Variants in ATM observed in about 807,000 individuals in gnomAD.
The protein encoded by ATM is ATM serine/threonine kinase.
A neutral mutation model predicts 387.0 loss-of-function variants in ATM; 308 were observed. The observed-to-expected ratio is 0.80, with a 90% CI of 0.73 to 0.87. The LOEUF is 0.87. Among genes scored for constraint, ATM ranks in the 40% least tolerant of loss-of-function variants. ATM has a pLI of 0.00. For missense variants in ATM, 3,312 were observed against 3,560.9 expected (o/e 0.93, Z 1.78); for synonymous variants, 1,156 against 1,187.3 (o/e 0.97, Z 0.54).
chr11:108,254,093 CTG>C (rs1319907439), intron 13 of ATM, 54 bp downstream of exon 13: 4 of 1,555,888 alleles, frequency 2.6e-6, no homozygotes, highest in African/African-American at 1.4e-5. Context: ...CTTTGGTAAA[CTG>C]TTAGGAAGGA....
rs1183350500 is a variant in ATM, at chr11:108,331,956, T to C, written c.7707T>C (p.Asp2569=). ...TGGCCTTAGCAAATGCAAACAGAGATGAATTTCTGACTAAACCAGAGGTAG... is the reference window on the plus strand; with the variant it reads ...TGGCCTTAGCAAATGCAAACAGAGACGAATTTCTGACTAAACCAGAGGTAG... ...IILALANANR[D]EFLTKPEVAR... The change falls in exon 52 of 63, where the codon GAT becomes GAC. Residue 2569 remains aspartate (D), a synonymous_variant. Coordinates refer to ENST00000675843, the MANE Select transcript of ATM (RefSeq NM_000051.4). 6.2e-7 allele frequency: 1 copy of C among 1,613,912 alleles called. No homozygotes were observed. Among genetic ancestry groups the C allele is most frequent in the African/African-American group, 1.3e-5 (1 of 74,924 alleles).
intron 44 of ATM, among the ~76,000 whole-genome samples, chr11:108,320,304 C>T (rs1470293709): frequency 6.6e-6 from 1 of 152,154 alleles, no homozygotes; most frequent in Non-Finnish European, 1.5e-5. Flanking sequence ...TTGTTCTCTT[C>T]CTATACAAGT....
Position 108,250,854 on chromosome 11 carries a change from ATTGTG to A in ATM, c.1391_1395del (p.Leu464SerfsTer21), listed in dbSNP as rs2080103035. ...TGTTACGATGCCTTACGGAAGTTGCATTGTGTCAAGACAAGAGGTCAAACCTAGAA... is the reference window on the plus strand; with the variant it reads ...TGTTACGATGCCTTACGGAAGTTGCATCAAGACAAGAGGTCAAACCTAGAA... On this transcript the variant is annotated frameshift_variant, in exon 10 of 63. Coordinates refer to ENST00000675843, the MANE Select transcript of ATM (RefSeq NM_000051.4). LOFTEE classifies it high-confidence loss of function. 1 of 1,614,080 alleles carries A rather than the reference ATTGTG, an allele frequency of 6.2e-7. No homozygotes were observed. The highest frequency in any genetic ancestry group is 8.5e-7 in the Non-Finnish European group (1 of 1,180,040).
chr11:108,287,849 C>A, intron 27 of ATM, 134 bp downstream of exon 27: 1 of 656,554 alleles, frequency 1.5e-6, no homozygotes, highest in African/African-American at 1.8e-5. Flanking sequence ...TAAAAATAGC[C>A]ACCTTTGAAT....
In ATM at chr11:108,251,001, T is replaced by A. The variant is rs1060504296; in HGVS notation, c.1536T>A (p.Ile512=). 6.2e-7 allele frequency: 1 copy of A among 1,614,058 alleles called. No individual in the cohort carries two copies. The highest frequency in any genetic ancestry group is 1.3e-5 in the African/African-American group (1 of 74,914). The stretch of plus-strand genomic sequence containing the variant: ...ACTTTGGCTTACTTGGAGCCATAAT[T>A]CAGGGTAGTTTAGTTGAGGTTGACA... ...AENFGLLGAI[I]QGSLVEVDRE... is the part of the protein sequence containing the mutation. The change falls in exon 10 of 63, where the codon ATT becomes ATA. Residue 512 remains isoleucine, a synonymous_variant. Transcript: ENST00000675843.
rs587779824 is a variant in ATM, at chr11:108,267,268, T to C, written c.2564T>C (p.Met855Thr). The C allele has an allele frequency of 1.9e-6, 3 of 1,614,146 alleles. No homozygotes were observed. The highest frequency in any genetic ancestry group is 2.5e-6 in the Non-Finnish European group (3 of 1,179,986). The change falls in exon 17 of 63, where the codon ATG becomes ACG. Residue 855 changes from methionine to threonine, a missense_variant. Coordinates refer to ENST00000675843, the MANE Select transcript of ATM (RefSeq NM_000051.4). Reference sequence around the variant, plus strand: ...ATGGAGGTGGAGGATCAGTCATCCATGAATCTATTTAACGATTACCCTGAT... The same window carrying C: ...ATGGAGGTGGAGGATCAGTCATCCACGAATCTATTTAACGATTACCCTGAT... Reference protein sequence around the residue: ...NLMEVEDQSSMNLFNDYPDSS... With the variant: ...NLMEVEDQSSTNLFNDYPDSS...
intron 61 of ATM, among the ~76,000 whole-genome samples, chr11:108,359,735 T>TC (rs1400042595): frequency 6.6e-6 from 1 of 152,034 alleles, no homozygotes; most frequent in Non-Finnish European, 1.5e-5. Context: ...ATAAAGATGT[T>TC]CTTTGAAACC....
In ATM at chr11:108,252,004, G is replaced by A. The variant is rs776911505; in HGVS notation, c.1775G>A (p.Ser592Asn). 6 of 1,612,924 alleles carry A rather than the reference G, an allele frequency of 3.7e-6. No homozygotes were observed. In the Admixed American group the frequency reaches 1.0e-4, roughly 27 times the overall value. Residue 592 changes from serine to asparagine, a missense_variant, in exon 11 of 63, where the codon AGC (serine) becomes AAC (asparagine). Transcript: ENST00000675843. ...FYQLEGDLEN[S>N]TEVPPILHSN... ...CAGTTAGAGGGTGACTTAGAAAATA[G>A]CACAGAAGTGCCTCCAATTCTTCAC...
intron 61 of ATM, among the ~76,000 whole-genome samples, chr11:108,364,459 C>T (rs2091124679): frequency 6.6e-6 from 1 of 152,156 alleles, no homozygotes; most frequent in African/African-American, 2.4e-5. Flanking sequence ...TTTTGGTATC[C>T]TAATTCTACA....
intron 16 of ATM, among the ~76,000 whole-genome samples, chr11:108,265,676 T>C (rs1223844051): frequency 6.8e-6 from 1 of 147,054 alleles, no homozygotes. Flanking sequence ...CAAAAGAAAC[T>C]ACCATCAGAG....
intron 16 of ATM, among the ~76,000 whole-genome samples, chr11:108,261,287 G>C (rs1227226638): frequency 2.0e-5 from 3 of 152,198 alleles, no homozygotes; most frequent in Admixed American, 6.5e-5. Context: ...CTGGAGATCT[G>C]AGAACGGGCA....
intron 58 of ATM, chr11:108,346,430 A>G (rs1467107394): frequency 6.5e-6 from 1 of 152,742 alleles, no homozygotes; most frequent in East Asian, 1.9e-4. Flanking sequence ...ATAGGTAGAT[A>G]GTATGGTTAA....
rs766558357 is a variant in ATM at position 108,279,480 on chromosome 11, CTTGTT to C, written c.3285-8_3285-4del. 6.4e-7 allele frequency: 1 copy of C among 1,574,146 alleles called. No individual in the cohort carries two copies. The highest frequency in any genetic ancestry group is 8.7e-7 in the Non-Finnish European group (1 of 1,148,504). ...CACTTTTTGTTTGTTTGTTTGCTTG[CTTGTT>C]TTAAGATTGTTCCAGGACACGAAGG... On this transcript the variant is annotated splice_polypyrimidine_tract_variant and splice_region_variant and intron_variant, in intron 22 of 62. Transcript: ENST00000675843.
rs1466076588 is a variant in ATM, at chr11:108,263,752, AAAG to A, written c.2467-3417_2467-3415del. ...CCGCTAGCAAGACTAATAAAGAAAAAAAGAGAGAAGAATCAAATAGACGCAATA... is the reference window on the plus strand; with the variant it reads ...CCGCTAGCAAGACTAATAAAGAAAAAAGAGAAGAATCAAATAGACGCAATA... On this transcript the variant is annotated intron_variant, in intron 16 of 62. Coordinates refer to ENST00000675843, the MANE Select transcript of ATM (RefSeq NM_000051.4). Among the ~76,000 whole-genome samples, 41 of 146,998 alleles carry A rather than the reference AAAG, an allele frequency of 2.8e-4. No individual in the cohort carries two copies. In the East Asian group the frequency reaches 7.9e-3, roughly 28 times the overall value.
At chr11:108,248,550 A>AT (rs530034539) in intron 8 of ATM, among the ~76,000 whole-genome samples, 4 of 151,964 alleles carry the variant, frequency 2.6e-5, no homozygotes, top group African/African-American at 9.7e-5. Context: ...TTCAGAAAGA[A>AT]TTTTTTTTCC....
In ATM at chr11:108,325,321, A is replaced by G. The variant is rs1565518051; in HGVS notation, c.6584A>G (p.His2195Arg). 1 of 1,601,708 alleles carries G rather than the reference A, an allele frequency of 6.2e-7. No homozygotes were observed. The highest frequency in any genetic ancestry group is 8.5e-7 in the Non-Finnish European group (1 of 1,172,862). The change falls in exon 46 of 63, where the codon CAT becomes CGT. Residue 2195 changes from histidine to arginine, a missense_variant. By Grantham distance (29) the His-to-Arg change is conservative (BLOSUM62 0). This residue lies in a region of ATM where 1,405 missense variants were observed against 1,604.4 expected (regional missense o/e 0.88). Coordinates refer to ENST00000675843, the MANE Select transcript of ATM (RefSeq NM_000051.4). ...GTCGTGGCATTCAGATCAGTCACAC[A>G]TAGACAACTCTCTGAAGTATATATT... Reference protein sequence around the residue: ...IGELFSRSVTHRQLSEVYIKW... With the variant: ...IGELFSRSVTRRQLSEVYIKW...
At chr11:108,317,615 T>TTTTATATATATATATA (rs1225638961) in intron 43 of ATM, 94 bp downstream of exon 43, 1 of 211,244 alleles carries the variant, frequency 4.7e-6, no homozygotes, top group Non-Finnish European at 8.5e-6. Flanking sequence ...AGGAGTTGTT[T>TTTTATATATATATATA]TATATATATA....
chr11:108,359,653 C>T (rs1276303148), intron 61 of ATM, among the ~76,000 whole-genome samples: 3 of 152,034 alleles, frequency 2.0e-5, no homozygotes, highest in South Asian at 2.1e-4. Context: ...CACTCAAAAC[C>T]GCTCAACTAC....
chr11:108,273,295 A>G (rs1166635517), intron 22 of ATM, among the ~76,000 whole-genome samples: 5 of 127,432 alleles, frequency 3.9e-5, no homozygotes, highest in Non-Finnish European at 8.5e-5. Context: ...GATCTTTTAT[A>G]TTTGAGTACT....
Sources: gnomAD v4.1 joint callset for allele counts (sites outside exome capture counted in the v4.1 genomes callset) on GRCh38, gnomAD v4.1.1 for gene constraint, gnomAD v4.1.1 regional missense constraint, MANE v1.5 for transcripts, NCBI Gene and HGNC (gene_info 2026-07-23, HGNC 2026-07-21) for gene names.